The following RANBP10 variants were observed in gnomAD, a reference collection of about 807,000 sequenced individuals.
RANBP10 encodes the protein RAN binding protein 10, also known as ran-binding protein 10.
In RANBP10, 24 loss-of-function variants were observed where a neutral mutation model predicts 72.8. The ratio of observed to expected loss-of-function variants is 0.33; its 90% CI spans 0.24 to 0.46. The LOEUF is 0.46. Among genes scored for constraint, RANBP10 ranks in the 20% least tolerant of loss-of-function variants. The probability of loss-of-function intolerance (pLI) is 1.00; values close to 1 mark genes in which losing one functional copy is unlikely to be tolerated. For missense variants in RANBP10, 679 were observed against 817.5 expected (o/e 0.83, Z 2.07); for synonymous variants, 310 against 322.3 (o/e 0.96, Z 0.41).
chr16:67,738,055 G>A lies in RANBP10; in HGVS notation c.569-20C>T. 5 of 1,585,004 alleles carry A rather than the reference G, an allele frequency of 3.2e-6. No individual in the cohort carries two copies. Among genetic ancestry groups the A allele is most frequent in the Non-Finnish European group, 4.3e-6 (5 of 1,164,334 alleles). On this transcript the variant is annotated intron_variant, in intron 4 of 13. Transcript: ENST00000317506. ...CTATACCTGTGGGGGGAAAGGAACA[G>A]TCATCAGGGCCAGCCCCTGGGGCTA... is the stretch of plus-strand genomic sequence containing the variant.
chr16:67,728,614 C>T (rs770624689), intron 10 of RANBP10, 103 bp from the exon 11 acceptor site: 8 of 1,584,182 alleles, frequency 5.0e-6, no homozygotes, highest in South Asian at 3.4e-5. Flanking sequence ...GTGGGTGAAC[C>T]GAGGACCCCC....
intron 4 of RANBP10, among the ~76,000 whole-genome samples, chr16:67,742,451 T>G (rs978442112): frequency 1.3e-5 from 2 of 152,100 alleles, no homozygotes; most frequent in East Asian, 3.8e-4. Flanking sequence ...TACTACCAGA[T>G]GAAATTTAAT....
rs988770116 is a variant in RANBP10, at chr16:67,727,177, C to T, written c.1732+150G>A. On this transcript the variant is annotated intron_variant, in intron 13 of 13. Coordinates refer to ENST00000317506, the MANE Select transcript of RANBP10 (RefSeq NM_020850.3). ...GGCGTGGTGGCACGCACCTTAGTCCCAGCTACTCAGGAGGCTGAGGCACGA... is the reference window on the plus strand; with the variant it reads ...GGCGTGGTGGCACGCACCTTAGTCCTAGCTACTCAGGAGGCTGAGGCACGA... The T allele has an allele frequency of 2.6e-5, 17 of 664,954 alleles. No homozygotes were observed. In the Admixed American group the frequency reaches 4.5e-4, roughly 18 times the overall value. The allele number at this position is 664,954 out of a possible 1,614,324, so 41.2% of individuals were successfully genotyped here. A position where few individuals can be genotyped will look rare whatever the true frequency, so the allele number is the denominator to read the frequency against.
At chr16:67,796,973 G>A (rs2055145115) in intron 2 of RANBP10, among the ~76,000 whole-genome samples, 1 of 152,162 alleles carries the variant, frequency 6.6e-6, no homozygotes, top group African/African-American at 2.4e-5. Flanking sequence ...CTCTTCCACT[G>A]ATGAGTCCCT....
Position 67,744,272 on chromosome 16 carries a change from T to C in RANBP10, c.568+16A>G. 6.2e-7 allele frequency: 1 copy of C among 1,607,210 alleles called. No individual in the cohort carries two copies. Among genetic ancestry groups the C allele is most frequent in the East Asian group, 2.2e-5 (1 of 44,656 alleles). On this transcript the variant is annotated intron_variant, in intron 4 of 13. Transcript: ENST00000317506. ...GCTCCACAGAGCAGAGCCTCCAAGG[T>C]CCCTTATGCACACACCAAGGCTGTG...
intron 3 of RANBP10, among the ~76,000 whole-genome samples, chr16:67,768,694 C>A (rs1288822930): frequency 6.6e-6 from 1 of 151,978 alleles, no homozygotes; most frequent in Non-Finnish European, 1.5e-5. Flanking sequence ...CCAGCCTGGG[C>A]AACAAAGTGA....
chr16:67,764,561 CAGT>C (rs1401423005), intron 3 of RANBP10, among the ~76,000 whole-genome samples: 1 of 152,200 alleles, frequency 6.6e-6, no homozygotes, highest in African/African-American at 2.4e-5. Flanking sequence ...TCGTAGCTTG[CAGT>C]CTAATAATCT....
At chr16:67,747,475 T>C (rs2054105447) in intron 3 of RANBP10, among the ~76,000 whole-genome samples, 1 of 152,166 alleles carries the variant, frequency 6.6e-6, no homozygotes, top group Non-Finnish European at 1.5e-5. Flanking sequence ...TTTCTTCCAG[T>C]CTATGGTTTA....
At chr16:67,777,701 G>A (rs1429415746) in intron 2 of RANBP10, among the ~76,000 whole-genome samples, 2 of 152,136 alleles carry the variant, frequency 1.3e-5, no homozygotes, top group East Asian at 1.9e-4. Context: ...ACTACCCAAA[G>A]TGATATACAG....
At chr16:67,750,983 G>T (rs1215705242) in intron 3 of RANBP10, among the ~76,000 whole-genome samples, 1 of 151,964 alleles carries the variant, frequency 6.6e-6, no homozygotes, top group Non-Finnish European at 1.5e-5. Context: ...AGCCAGGATG[G>T]TCTCGATCTC....
At chr16:67,761,141 TAAG>T (rs2054388655) in intron 3 of RANBP10, among the ~76,000 whole-genome samples, 1 of 152,208 alleles carries the variant, frequency 6.6e-6, no homozygotes, top group Non-Finnish European at 1.5e-5. Context: ...GTTTCACACC[TAAG>T]AAGGCCAAAA....
intron 6 of RANBP10, among the ~76,000 whole-genome samples, chr16:67,733,328 T>C (rs980662489): frequency 6.6e-6 from 1 of 152,112 alleles, no homozygotes; most frequent in African/African-American, 2.4e-5. Context: ...ACTGTGTCAC[T>C]GCACTCCGCC....
At position 67,781,911 on chromosome 16, in the gene RANBP10, C is replaced by A. The variant is rs563141719; in HGVS notation, c.348-9825G>T. On this transcript the variant is annotated intron_variant, in intron 2 of 13. Transcript: ENST00000317506. ...CCCACAGGTGTCCACACTCACAAAT[C>A]CACCCAGAAGCTCCCACTATCCACT... 8.5e-4 allele frequency among the ~76,000 whole-genome samples: 129 copies of A among 152,256 alleles called. 2 individuals are homozygous for A. In the South Asian group the frequency reaches 0.026, roughly 31 times the overall value.
intron 2 of RANBP10, among the ~76,000 whole-genome samples, chr16:67,798,757 A>T (rs925575764): frequency 6.6e-6 from 1 of 152,160 alleles, no homozygotes; most frequent in African/African-American, 2.4e-5. Context: ...ACCTAAAGTC[A>T]CTGGCCCACC....
At chr16:67,750,100 C>T (rs2054166446) in intron 3 of RANBP10, among the ~76,000 whole-genome samples, 1 of 152,198 alleles carries the variant, frequency 6.6e-6, no homozygotes, top group South Asian at 2.1e-4. Flanking sequence ...CAGATGTTGC[C>T]AGGGGTCTGG....
chr16:67,746,235 AC>A (rs2054074285), intron 3 of RANBP10, among the ~76,000 whole-genome samples: 1 of 152,140 alleles, frequency 6.6e-6, no homozygotes, highest in African/African-American at 2.4e-5. Context: ...TAATCCCAGC[AC>A]TTTGGGAGGA....
chr16:67,737,970 C>A (rs1192884897), intron 5 of RANBP10, 43 bp downstream of exon 5: 4 of 1,563,206 alleles, frequency 2.6e-6, no homozygotes, highest in African/African-American at 1.4e-5. Flanking sequence ...TCCCAGTCAG[C>A]CCCCAGAAAC....
intron 2 of RANBP10, among the ~76,000 whole-genome samples, chr16:67,802,200 A>G (rs2055246888): frequency 6.6e-6 from 1 of 152,186 alleles, no homozygotes; most frequent in South Asian, 2.1e-4. Context: ...GGCCCATACT[A>G]ACATGTGGCT....
intron 4 of RANBP10, 129 bp from the exon 5 acceptor site, chr16:67,738,164 A>T: frequency 9.3e-7 from 1 of 1,080,420 alleles, no homozygotes; most frequent in Non-Finnish European, 1.3e-6. Flanking sequence ...TTTGAGACAG[A>T]GTCTCCCTCC....
Sources: allele counts gnomAD v4.1 joint callset (sites outside exome capture counted in the v4.1 genomes callset), GRCh38; gene constraint gnomAD v4.1.1; transcripts MANE v1.5; gene names NCBI Gene and HGNC (gene_info 2026-07-23, HGNC 2026-07-21).